The following FBXO21 variants were observed in gnomAD, a reference collection of about 807,000 sequenced individuals.
FBXO21 encodes the protein F-box protein 21.
In FBXO21, 32 loss-of-function variants were observed where a neutral mutation model predicts 76.6. That is an observed-to-expected ratio of 0.42 (90% CI 0.32 to 0.56). The LOEUF (loss-of-function observed/expected upper bound fraction) is 0.56. FBXO21 is among the 20% of genes least tolerant of loss of function. FBXO21 has a pLI of 0.16. For missense variants in FBXO21, 586 were observed against 797.3 expected (o/e 0.73, Z 3.19); for synonymous variants, 328 against 311.5 (o/e 1.05, Z -0.56).
At chr12:117,149,452 A>G (rs1190862960) in intron 11 of FBXO21, among the ~76,000 whole-genome samples, 1 of 152,182 alleles carries the variant, frequency 6.6e-6, no homozygotes, top group African/African-American at 2.4e-5. Context: ...ACAGAATTCA[A>G]GCAGGTAGTT....
intron 9 of FBXO21, among the ~76,000 whole-genome samples, chr12:117,164,229 G>A (rs1956021295): frequency 6.6e-6 from 1 of 151,600 alleles, no homozygotes; most frequent in Non-Finnish European, 1.5e-5. Context: ...CATATATTCT[G>A]GGAGGACATT....
At position 117,167,513 on chromosome 12, in the gene FBXO21, G is replaced by A. The variant is rs145223305; in HGVS notation, c.1014-436C>T. ...TGTAATCCCAGCACTTTGGGAGGCC[G>A]AGGCGGGTGGATCACAAGGTGAGCA... On this transcript the variant is annotated intron_variant, in intron 7 of 11. Transcript: ENST00000622495. Among the ~76,000 whole-genome samples the A allele has an allele frequency of 1.9e-3, 294 of 152,212 alleles. 5 individuals carry two copies. The highest frequency in any genetic ancestry group is 0.015 in the East Asian group (80 of 5,174).
In FBXO21 at chr12:117,178,371, C is replaced by T. The variant is rs115444664; in HGVS notation, c.471-730G>A. ...CAGCATTCCTGTGTTGCAGCAACAT[C>T]CTCCTACCTCAGCTTCCCGCTTCAG... On this transcript the variant is annotated intron_variant, in intron 3 of 11. Coordinates refer to ENST00000622495, the MANE Select transcript of FBXO21 (RefSeq NM_015002.3). Among the ~76,000 whole-genome samples the T allele has an allele frequency of 2.4e-3, 372 of 152,254 alleles. 1 individual carries two copies. The highest frequency in any genetic ancestry group is 8.5e-3 in the African/African-American group (352 of 41,542).
At chr12:117,148,684 C>T (rs1415847256) in intron 11 of FBXO21, among the ~76,000 whole-genome samples, 4 of 152,204 alleles carry the variant, frequency 2.6e-5, no homozygotes, top group Non-Finnish European at 5.9e-5. Flanking sequence ...GATTTAACCC[C>T]GGACTCAAAC....
intron 11 of FBXO21, among the ~76,000 whole-genome samples, chr12:117,153,640 C>A (rs1341877544): frequency 1.3e-5 from 2 of 152,198 alleles, no homozygotes; most frequent in African/African-American, 4.8e-5. Flanking sequence ...ACGTATCAGG[C>A]ATGCTGGGGG....
intron 9 of FBXO21, among the ~76,000 whole-genome samples, chr12:117,158,607 G>T (rs898661315): frequency 3.3e-5 from 5 of 152,228 alleles, no homozygotes; most frequent in African/African-American, 1.2e-4. Context: ...AAAGGTCACA[G>T]AGTGGGCACC....
intron 9 of FBXO21, among the ~76,000 whole-genome samples, chr12:117,163,807 G>C (rs996616432): frequency 2.0e-5 from 3 of 151,946 alleles, no homozygotes; most frequent in African/African-American, 7.3e-5. Context: ...TTAGTCAGGC[G>C]TGGTGGTGTA....
intron 3 of FBXO21, among the ~76,000 whole-genome samples, chr12:117,182,889 T>C (rs754855425): frequency 3.3e-5 from 5 of 152,074 alleles, no homozygotes; most frequent in Non-Finnish European, 5.9e-5. Context: ...GCCAGGAGTT[T>C]AGTAACTGCC....
At chr12:117,168,227 A>G (rs1176149160) in intron 7 of FBXO21, among the ~76,000 whole-genome samples, 2 of 152,104 alleles carry the variant, frequency 1.3e-5, no homozygotes, top group African/African-American at 4.8e-5. Flanking sequence ...TTTATAACCT[A>G]CCCTTAGCAA....
chr12:117,179,818 A>G (rs888406532), intron 3 of FBXO21, among the ~76,000 whole-genome samples: 1 of 152,212 alleles, frequency 6.6e-6, no homozygotes, highest in Non-Finnish European at 1.5e-5. Flanking sequence ...TACTTCTATA[A>G]GGAAAAACCT....
intron 11 of FBXO21, among the ~76,000 whole-genome samples, chr12:117,147,097 C>T (rs894124096): frequency 6.6e-6 from 1 of 151,428 alleles, no homozygotes; most frequent in Admixed American, 6.6e-5. Flanking sequence ...CAAAAACTAG[C>T]CAGGCATGGT....
intron 3 of FBXO21, among the ~76,000 whole-genome samples, chr12:117,186,162 C>T (rs1956281963): frequency 6.6e-6 from 1 of 152,192 alleles, no homozygotes; most frequent in Admixed American, 6.5e-5. Context: ...CAGGCGTGAG[C>T]CACCGTGCCT....
chr12:117,159,310 G>A (rs1377264968), intron 9 of FBXO21, among the ~76,000 whole-genome samples: 113 of 143,138 alleles, frequency 7.9e-4, no homozygotes, highest in Middle Eastern at 3.6e-3. Flanking sequence ...GGATTAGGTG[G>A]AAAAAAAAAA....
chr12:117,172,636 C>G, intron 6 of FBXO21, 29 bp from the exon 7 acceptor site: 1 of 1,604,930 alleles, frequency 6.2e-7, no homozygotes, highest in Non-Finnish European at 8.5e-7. Flanking sequence ...TTTTATTTCA[C>G]TGGGATGAAC....
intron 2 of FBXO21, 75 bp downstream of exon 2, chr12:117,189,152 G>T: frequency 6.5e-7 from 1 of 1,549,668 alleles, no homozygotes; most frequent in Non-Finnish European, 8.9e-7. Flanking sequence ...AAAAGAGCTG[G>T]ATGAGCTCAT....
intron 4 of FBXO21, among the ~76,000 whole-genome samples, chr12:117,175,385 G>A (rs1240597324): frequency 6.6e-6 from 1 of 152,224 alleles, no homozygotes; most frequent in African/African-American, 2.4e-5. Context: ...ACTGCAGACA[G>A]TCTCTTAAGA....
chr12:117,165,107 C>G (rs1350119981), intron 9 of FBXO21, among the ~76,000 whole-genome samples: 1 of 152,174 alleles, frequency 6.6e-6, no homozygotes, highest in Non-Finnish European at 1.5e-5. Flanking sequence ...AACAGGAGTA[C>G]TTATTCATGG....
intron 3 of FBXO21, among the ~76,000 whole-genome samples, chr12:117,178,427 C>T (rs114450915): frequency 0.011 from 1,635 of 152,264 alleles, 26 homozygotes; most frequent in African/African-American, 0.036. Flanking sequence ...ATCCTCAATA[C>T]GGCAGCCAGA....
In FBXO21 at chr12:117,174,748, G is replaced by C; in HGVS notation, c.642C>G (p.Leu214=). The part of the protein sequence containing the change: ...QYCNPLSDIS[L]KDIQAQIDSI... Reference sequence around the variant, plus strand: ...TGTCAATTTGGGCCTGGATGTCTTTGAGGCTGATGTCGGAGAGAGGATTGC... The same window carrying C: ...TGTCAATTTGGGCCTGGATGTCTTTCAGGCTGATGTCGGAGAGAGGATTGC... Residue 214 remains leucine (L), a synonymous_variant, in exon 5 of 12, where the codon CTC becomes CTG. Transcript: ENST00000622495. 1 of 1,614,202 alleles carries C rather than the reference G, an allele frequency of 6.2e-7. No individual in the cohort carries two copies.
Sources: allele counts gnomAD v4.1 joint callset (sites outside exome capture counted in the v4.1 genomes callset), GRCh38; gene constraint gnomAD v4.1.1; transcripts MANE v1.5; gene names NCBI Gene and HGNC (gene_info 2026-07-23, HGNC 2026-07-21).